Variants in MICAL3 observed in about 807,000 individuals in gnomAD.
MICAL3 encodes [F-actin]-monooxygenase MICAL3.
MICAL3 carries 62 observed loss-of-function variants against 207.4 expected under a neutral mutation model. The observed-to-expected ratio is 0.30, with a 90% CI of 0.24 to 0.37. MICAL3 has a LOEUF of 0.37. Among genes scored for constraint, MICAL3 ranks in the 10% least tolerant of loss-of-function variants. MICAL3 has a pLI of 1.00. For missense variants in MICAL3, 2,368 were observed against 2,635.6 expected, an observed-to-expected ratio of 0.90 and a Z score of 2.22; for synonymous variants, 1,077 against 1,069.3, an observed-to-expected ratio of 1.01 and a Z score of -0.14.
At chr22:18,006,323 T>C (rs1491000200) in intron 1 of MICAL3, 5 of 152,124 alleles carry the variant, frequency 3.3e-5, no homozygotes, top group Non-Finnish European at 1.5e-5. Flanking sequence ...CGGCGAAATG[T>C]AGGTGCTCAC....
chr22:18,021,549 A>G (rs9605496), intron 1 of MICAL3, among the ~76,000 whole-genome samples: 31,814 of 152,238 alleles, frequency 0.21, 3,888 homozygotes, highest in East Asian at 0.38. Context: ...AAAATGATGC[A>G]TGCATGGCTA....
rs1331550058 is a variant in MICAL3 at position 17,822,177 on chromosome 22, G to A, written c.3308-7C>T. ...CTGTCAGACCAGTGCTGATCTGGCA[G>A]AGGGAAGGGGCAGAAGTGGGTGCAC... On this transcript the variant is annotated splice_region_variant and splice_polypyrimidine_tract_variant and intron_variant, in intron 23 of 31. Transcript: ENST00000441493. 3 of 1,612,978 alleles carry A rather than the reference G, an allele frequency of 1.9e-6. No individual in the cohort carries two copies. The highest frequency in any genetic ancestry group is 2.2e-5 in the South Asian group (2 of 91,018).
At position 17,860,685 on chromosome 22, in the gene MICAL3, C is replaced by T. The variant is rs568303209; in HGVS notation, c.2605+4214G>A. 12 of 985,430 alleles carry T rather than the reference C, an allele frequency of 1.2e-5. No individual in the cohort carries two copies. In the East Asian group the frequency reaches 4.5e-4, roughly 37 times the overall value. The allele number at this position is 985,430 out of a possible 1,614,324, so 61.0% of individuals were successfully genotyped here. ...CATGTGAGGCGGGTGCCCGGCTCTC[C>T]GTGGTGTCCTGGCAGCAGCAGCCCC... is the stretch of plus-strand genomic sequence containing the variant. On this transcript the variant is annotated intron_variant, in intron 19 of 31. Transcript: ENST00000441493.
intron 19 of MICAL3, among the ~76,000 whole-genome samples, chr22:17,849,007 G>A (rs1359267674): frequency 1.3e-5 from 2 of 152,228 alleles, no homozygotes; most frequent in African/African-American, 2.4e-5. Flanking sequence ...ATCCCCACAC[G>A]CTGCCCTCCA....
At chr22:17,861,236 G>T (rs1027874443) in intron 19 of MICAL3, 20 of 985,266 alleles carry the variant, frequency 2.0e-5, no homozygotes, top group Non-Finnish European at 2.4e-5. Flanking sequence ...TGTGGGAAAG[G>T]CCTGCATTTC....
intron 1 of MICAL3, among the ~76,000 whole-genome samples, chr22:18,001,906 G>A (rs1435563566): frequency 6.6e-6 from 1 of 152,156 alleles, no homozygotes; most frequent in Non-Finnish European, 1.5e-5. Flanking sequence ...GTATTTAAAG[G>A]GGACTTGTTG....
chr22:18,005,643 A>G (rs886132333), intron 1 of MICAL3: 1 of 152,210 alleles, frequency 6.6e-6, no homozygotes, highest in Non-Finnish European at 1.5e-5. Context: ...TGTTGTTTAT[A>G]TTCTGCCCAT....
intron 1 of MICAL3, among the ~76,000 whole-genome samples, chr22:17,974,864 C>T (rs1419977224): frequency 6.6e-6 from 1 of 151,838 alleles, no homozygotes; most frequent in Non-Finnish European, 1.5e-5. Flanking sequence ...CACTAGAGTT[C>T]TTCAGTCCTC....
At chr22:17,802,016 A>C (rs1003819715) in intron 29 of MICAL3, among the ~76,000 whole-genome samples, 4 of 152,158 alleles carry the variant, frequency 2.6e-5, no homozygotes, top group African/African-American at 9.7e-5. Flanking sequence ...AATCCTAAAG[A>C]AACGCGTTCT....
chr22:17,999,056 G>A (rs777638823), intron 1 of MICAL3, among the ~76,000 whole-genome samples: 1 of 152,178 alleles, frequency 6.6e-6, no homozygotes, highest in African/African-American at 2.4e-5. Context: ...CTAGCACTCT[G>A]CCAATGGTCA....
chr22:17,963,516 C>A (rs572061813), intron 1 of MICAL3, among the ~76,000 whole-genome samples: 2 of 152,070 alleles, frequency 1.3e-5, no homozygotes, highest in African/African-American at 4.8e-5. Flanking sequence ...GGGCCTCCGT[C>A]GCCGGTTCCT....
intron 1 of MICAL3, among the ~76,000 whole-genome samples, chr22:17,928,503 T>C (rs1208263949): frequency 9.2e-5 from 14 of 151,680 alleles, no homozygotes; most frequent in African/African-American, 3.4e-4. Flanking sequence ...ATGTAGTGTA[T>C]GAGATATATC....
intron 17 of MICAL3, among the ~76,000 whole-genome samples, chr22:17,866,807 A>G (rs552057440): frequency 2.0e-5 from 3 of 152,304 alleles, no homozygotes; most frequent in African/African-American, 7.2e-5. Context: ...AAATCTGAAC[A>G]CCACTGAACT....
chr22:17,802,428 G>A lies in MICAL3; in HGVS notation c.5650+6416C>T, dbSNP rs142462835. ...TGTTAGGAGAAGGCAAGAGGCATTA[G>A]ATGGGAAAAGCGTCTGTTAATTGGA... On this transcript the variant is annotated intron_variant, in intron 29 of 31. Transcript: ENST00000441493. Among the ~76,000 whole-genome samples the A allele has an allele frequency of 6.1e-3, 929 of 152,328 alleles. 11 individuals are homozygous for A. The highest frequency in any genetic ancestry group is 0.021 in the African/African-American group (874 of 41,582).
At chr22:17,942,856 C>G in intron 1 of MICAL3, among the ~76,000 whole-genome samples, 1 of 152,210 alleles carries the variant, frequency 6.6e-6, no homozygotes, top group East Asian at 1.9e-4. Flanking sequence ...GCCGAATTCC[C>G]AGCTGCACGA....
intron 29 of MICAL3, among the ~76,000 whole-genome samples, chr22:17,800,865 CAA>C (rs977956975): frequency 1.6e-4 from 25 of 152,208 alleles, no homozygotes; most frequent in Admixed American, 3.9e-4. Flanking sequence ...AAGAATGACA[CAA>C]GAGCAGAAAC....
Position 17,817,559 on chromosome 22 carries a change from G to A in MICAL3, c.5102C>T (p.Ser1701Leu). The A allele has an allele frequency of 6.2e-7, 1 of 1,613,434 alleles. No individual in the cohort carries two copies. The highest frequency in any genetic ancestry group is 2.2e-5 in the East Asian group (1 of 44,858). Residue 1701 changes from serine to leucine, a missense_variant, in exon 26 of 32, where the codon TCA (serine) becomes TTA (leucine). This residue lies in a region of MICAL3 where 1,770 missense variants were observed against 1,863.2 expected (regional missense o/e 0.95). Coordinates refer to ENST00000441493, the MANE Select transcript of MICAL3 (RefSeq NM_015241.3). ...GSSGKSKKRS[S>L]LFSPRRNKKE... ...CTTGTTTCTGCGGGGGGAGAAGAGT[G>A]ACGACCTCTTCTTGCTCTTCCCACT...
rs187693515 is a variant in MICAL3, at chr22:17,909,226, T to C, written c.-74-2340A>G. 7.2e-5 allele frequency among the ~76,000 whole-genome samples: 11 copies of C among 152,284 alleles called. No homozygotes were observed. In the East Asian group the frequency reaches 1.9e-3, roughly 27 times the overall value. ...AACAAACCCTCCTGGCTCTAGATAT[T>C]AAAAACTATACTGCTGGCCCAGTGT... On this transcript the variant is annotated intron_variant, in intron 1 of 31. Coordinates refer to ENST00000441493, the MANE Select transcript of MICAL3 (RefSeq NM_015241.3).
chr22:17,997,586 G>A (rs60257219), intron 1 of MICAL3, among the ~76,000 whole-genome samples: 6,800 of 152,184 alleles, frequency 0.045, 492 homozygotes, highest in African/African-American at 0.15. Flanking sequence ...GGGCTCTCAG[G>A]CCTGCCCATT....
Sources: gnomAD v4.1 joint callset for allele counts (sites outside exome capture counted in the v4.1 genomes callset) on GRCh38, gnomAD v4.1.1 for gene constraint, gnomAD v4.1.1 regional missense constraint, MANE v1.5 for transcripts, NCBI Gene and HGNC (gene_info 2026-07-23, HGNC 2026-07-21) for gene names.